Variants in VPS39 observed in about 807,000 individuals in gnomAD.
VPS39 encodes vam6/Vps39-like protein.
A neutral mutation model predicts 121.0 loss-of-function variants in VPS39; 70 were observed. That is an observed-to-expected ratio of 0.58 (90% CI 0.48 to 0.71). The LOEUF (loss-of-function observed/expected upper bound fraction) is 0.71. Ranked by LOEUF, VPS39 falls within the 30% of genes least tolerant of loss-of-function variation. VPS39 has a pLI of 0.00. For synonymous variants in VPS39, 378 were observed against 398.1 expected (o/e 0.95, Z 0.60); for missense variants, 818 against 1,051.5 (o/e 0.78, Z 3.07).
chr15:42,167,631 T>C, intron 12 of VPS39, 94 bp from the exon 13 acceptor site: 4 of 1,486,424 alleles, frequency 2.7e-6, no homozygotes, highest in South Asian at 2.6e-5. Flanking sequence ...AATCAGCTCA[T>C]GCCTATTGGC....
At position 42,164,464 on chromosome 15, in the gene VPS39, T is replaced by A; in HGVS notation, c.1920A>T (p.Gly640=). Reference sequence around the variant, plus strand: ...ATTCTCCCAGCTCACCCTCTTCCTCTCCAGCTGGGACTGGGGTTTTGCCTT... The same window carrying A: ...ATTCTCCCAGCTCACCCTCTTCCTCACCAGCTGGGACTGGGGTTTTGCCTT... ...FPAGKTPVPA[G]EEEGELGEYR... is the part of the protein sequence containing the mutation. Residue 640 remains glycine (G), a synonymous_variant, in exon 19 of 25, where the codon GGA becomes GGT. Transcript: ENST00000318006. 6.2e-7 allele frequency: 1 copy of A among 1,613,974 alleles called. No individual in the cohort carries two copies. The highest frequency in any genetic ancestry group is 8.5e-7 in the Non-Finnish European group (1 of 1,179,922).
At chr15:42,192,122 G>A (rs1177462837) in intron 2 of VPS39, 5 of 1,536,154 alleles carry the variant, frequency 3.3e-6, no homozygotes, top group Admixed American at 3.9e-5. Flanking sequence ...GGGGAAGAAA[G>A]TTATATACCA....
At chr15:42,200,646 A>C (rs1040219610) in intron 1 of VPS39, among the ~76,000 whole-genome samples, 2 of 152,238 alleles carry the variant, frequency 1.3e-5, no homozygotes, top group Non-Finnish European at 2.9e-5. Context: ...AAAGTCTAGC[A>C]GCTCCTCAAA....
Position 42,162,409 on chromosome 15 carries a change from G to C in VPS39, c.2248C>G (p.Leu750Val). ...IHCLGPIKLE[L>V]LEPKANLQAA... ...TGGAGGTTGGCTTTTGGCTCCAGTAGTTCCAGCTTGATTGGCCCCAGGCAG... is the reference window on the plus strand; with the variant it reads ...TGGAGGTTGGCTTTTGGCTCCAGTACTTCCAGCTTGATTGGCCCCAGGCAG... The change falls in exon 22 of 25, where the codon CTA (leucine) becomes GTA (valine). Residue 750 changes from leucine (L) to valine (V), a missense_variant. By Grantham distance (32) the Leu-to-Val change is conservative. Coordinates refer to ENST00000318006, the MANE Select transcript of VPS39 (RefSeq NM_015289.5). 1 of 1,613,852 alleles carries C rather than the reference G, an allele frequency of 6.2e-7. No homozygotes were observed. Among genetic ancestry groups the C allele is most frequent in the Non-Finnish European group, 8.5e-7 (1 of 1,179,932 alleles).
At chr15:42,185,479 G>A (rs2049682956) in intron 7 of VPS39, among the ~76,000 whole-genome samples, 1 of 152,058 alleles carries the variant, frequency 6.6e-6, no homozygotes, top group Non-Finnish European at 1.5e-5. Context: ...CACCGCGCCT[G>A]GCCAAAATCA....
chr15:42,191,957 G>C (rs1199156950), intron 2 of VPS39: 43 of 1,331,988 alleles, frequency 3.2e-5, no homozygotes, highest in Non-Finnish European at 3.7e-5. Context: ...CTTAGATCTA[G>C]ACCAACTAAT....
Position 42,191,046 on chromosome 15 carries a change from C to A in VPS39, c.247+79G>T, listed in dbSNP as rs113004148. Reference sequence around the variant, plus strand: ...CAGTTCATTGTTAAGTAACCACTATCAAATTAACCATGAAAGGATTAATTA... The same window carrying A: ...CAGTTCATTGTTAAGTAACCACTATAAAATTAACCATGAAAGGATTAATTA... On this transcript the variant is annotated intron_variant, in intron 4 of 24. Coordinates refer to ENST00000318006, the MANE Select transcript of VPS39 (RefSeq NM_015289.5). 6.7e-4 allele frequency: 1,027 copies of A among 1,528,674 alleles called. 7 individuals carry two copies. Among genetic ancestry groups the A allele is most frequent in the Non-Finnish European group, 1.3e-4 (148 of 1,104,318 alleles). 94.7% of individuals were successfully genotyped at this position (1,528,674 alleles called of 1,614,324 possible).
intron 10 of VPS39, among the ~76,000 whole-genome samples, chr15:42,176,051 AAGAT>A (rs2049445392): frequency 6.6e-6 from 1 of 152,170 alleles, no homozygotes; most frequent in South Asian, 2.1e-4. Flanking sequence ...ATTTAAATAA[AAGAT>A]AGGTTCTTCC....
Position 42,166,909 on chromosome 15 carries a change from T to C in VPS39, c.1382A>G (p.Asn461Ser). The change falls in exon 14 of 25, where the codon AAT (asparagine) becomes AGT (serine). Residue 461 changes from asparagine (N) to serine (S), a missense_variant. Asn to Ser is a conservative substitution (Grantham distance 46). Transcript: ENST00000318006. ...TTLLKCYLHTNVALVAPLLRL... is the reference protein window; with the variant it reads ...TTLLKCYLHTSVALVAPLLRL... ...TAGCAAGGGGGCCACCAGGGCCACA[T>C]TTGTCTGCAGAAAGAGCAGGAGTTC... The C allele has an allele frequency of 1.2e-6, 2 of 1,614,214 alleles. No individual in the cohort carries two copies. Among genetic ancestry groups the C allele is most frequent in the Non-Finnish European group, 1.7e-6 (2 of 1,180,038 alleles).
At chr15:42,164,624 C>T in intron 18 of VPS39, 138 bp from the exon 19 acceptor site, 1 of 1,447,958 alleles carries the variant, frequency 6.9e-7, no homozygotes, top group Non-Finnish European at 9.0e-7. Flanking sequence ...TCCATGCTAA[C>T]TTCTTTTAGT....
Position 42,169,820 on chromosome 15 carries a change from G to A in VPS39, c.1137C>T (p.Asp379=), listed in dbSNP as rs775932786. The A allele has an allele frequency of 8.7e-6, 14 of 1,614,130 alleles. No individual in the cohort carries two copies. In the East Asian group the frequency reaches 3.1e-4, roughly 36 times the overall value. ...MGLYPDLLPT[D]YRKQLQYPNP... ...TGGGATACTGCAACTGCTTTCTGTAGTCTGTGGGCAGCAGGTCAGGGTACA... is the reference window on the plus strand; with the variant it reads ...TGGGATACTGCAACTGCTTTCTGTAATCTGTGGGCAGCAGGTCAGGGTACA... Residue 379 remains aspartate, a synonymous_variant, in exon 12 of 25, where the codon GAC becomes GAT. Coordinates refer to ENST00000318006, the MANE Select transcript of VPS39 (RefSeq NM_015289.5).
rs146980619 is a variant in VPS39 at position 42,199,474 on chromosome 15, G to C, written c.139+422C>G. ...AGGCAAACCCTGGTCCTCTCTTCTT[G>C]TTCTACCCCTCATAAGCCAACAAGA... On this transcript the variant is annotated intron_variant, in intron 2 of 24. Transcript: ENST00000318006. 1.2e-3 allele frequency: 483 copies of C among 394,538 alleles called. 3 individuals are homozygous for C. The East Asian group carries it at 0.021, about 17-fold the overall frequency. The allele number at this position is 394,538 out of a possible 1,614,324, so 24.4% of individuals were successfully genotyped here.
chr15:42,201,214 T>C (rs1566912196), intron 1 of VPS39, among the ~76,000 whole-genome samples: 1 of 152,322 alleles, frequency 6.6e-6, no homozygotes, highest in South Asian at 2.1e-4. Flanking sequence ...TCTACTCTGT[T>C]GCCCAGGCTA....
chr15:42,196,704 G>C (rs1195044392), intron 2 of VPS39, among the ~76,000 whole-genome samples: 1 of 152,190 alleles, frequency 6.6e-6, no homozygotes, highest in Non-Finnish European at 1.5e-5. Context: ...AGAGAAACAG[G>C]AACGCTTTTA....
chr15:42,178,122 T>A, intron 10 of VPS39, 96 bp downstream of exon 10: 1 of 1,555,778 alleles, frequency 6.4e-7, no homozygotes, highest in South Asian at 1.2e-5. Context: ...GCTATGTGCT[T>A]ATTCTACTAA....
intron 2 of VPS39, among the ~76,000 whole-genome samples, chr15:42,194,743 A>C (rs546370533): frequency 1.3e-5 from 2 of 152,152 alleles, no homozygotes; most frequent in South Asian, 4.2e-4. Context: ...AAAAACAAAC[A>C]AACAAAACCC....
At chr15:42,204,247 C>G (rs2050123084) in intron 1 of VPS39, among the ~76,000 whole-genome samples, 1 of 152,236 alleles carries the variant, frequency 6.6e-6, no homozygotes, top group African/African-American at 2.4e-5. Flanking sequence ...CCCCAATTAG[C>G]TGCATTAGAA....
intron 10 of VPS39, among the ~76,000 whole-genome samples, chr15:42,175,165 G>C (rs557854140): frequency 2.6e-5 from 4 of 152,168 alleles, no homozygotes; most frequent in East Asian, 3.9e-4. Flanking sequence ...TGTAATCCCA[G>C]AACTTTGGGA....
intron 1 of VPS39, 28 bp downstream of exon 1, chr15:42,208,033 ACCGCTCCTGTGCTGACTCCG>A: frequency 6.5e-7 from 1 of 1,548,266 alleles, no homozygotes; most frequent in Non-Finnish European, 8.7e-7. Context: ...AAAGATCCGG[ACCGCTCCTGTGCTGACTCCG>A]CCTCGGCCCC....
Sources: allele counts gnomAD v4.1 joint callset (sites outside exome capture counted in the v4.1 genomes callset), GRCh38; gene constraint gnomAD v4.1.1; transcripts MANE v1.5; gene names NCBI Gene and HGNC (gene_info 2026-07-23, HGNC 2026-07-21).